The following LSP1 variants were observed in gnomAD, a reference collection of about 807,000 sequenced individuals.
LSP1 encodes the protein lymphocyte-specific protein 1.
Under a neutral mutation model 49.3 loss-of-function variants are expected in LSP1, and 32 were observed. The ratio of observed to expected loss-of-function variants is 0.65; its 90% CI spans 0.49 to 0.87. The LOEUF (loss-of-function observed/expected upper bound fraction) is 0.87. Ranked by LOEUF, LSP1 falls within the 40% of genes least tolerant of loss-of-function variation. LSP1 has a pLI of 0.00. For synonymous variants in LSP1, 179 were observed against 178.8 expected (o/e 1.00, Z -0.01); for missense variants, 428 against 442.6 (o/e 0.97, Z 0.30).
chr11:1,861,018 T>C (rs2048540), intron 1 of LSP1, among the ~76,000 whole-genome samples: 97,259 of 152,024 alleles, frequency 0.64, 31,216 homozygotes, highest in East Asian at 0.72. Flanking sequence ...AGATAATGAA[T>C]CAATAGACAA....
intron 1 of LSP1, chr11:1,870,758 AGGTACATCTG>A: frequency 1.0e-6 from 1 of 993,834 alleles, no homozygotes; most frequent in Non-Finnish European, 1.2e-6. Context: ...CAGGGATGTG[AGGTACATCTG>A]GGCATGGCTA....
At chr11:1,863,333 G>A (rs1025627703) in intron 1 of LSP1, 2 of 152,464 alleles carry the variant, frequency 1.3e-5, no homozygotes, top group South Asian at 2.1e-4. Flanking sequence ...TAGCTGGGGA[G>A]GCAAGAGGTG....
chr11:1,886,940 T>C (rs1848778888), intron 8 of LSP1, 74 bp downstream of exon 8: 1 of 1,547,264 alleles, frequency 6.5e-7, no homozygotes, highest in Admixed American at 1.9e-5. Context: ...CCGGGTTTCC[T>C]TGTTAAGACA....
At chr11:1,856,631 T>C (rs1203028429) in intron 1 of LSP1, among the ~76,000 whole-genome samples, 1 of 152,222 alleles carries the variant, frequency 6.6e-6, no homozygotes, top group Non-Finnish European at 1.5e-5. Context: ...TCTGGCCATC[T>C]GTCCCTGGAG....
At chr11:1,873,918 GGAGGAGGGAGGCCGGCA>G (rs1313332202) in intron 1 of LSP1, among the ~76,000 whole-genome samples, 188 of 80,784 alleles carry the variant, frequency 2.3e-3, no homozygotes, top group South Asian at 3.5e-3. Flanking sequence ...GGAGGCCGGC[GGAGGAGGGAGGCCGGCA>G]GAGGAGGGAG....
intron 3 of LSP1, among the ~76,000 whole-genome samples, chr11:1,881,809 G>T (rs560537721): frequency 1.3e-5 from 2 of 152,266 alleles, no homozygotes; most frequent in South Asian, 4.1e-4. Flanking sequence ...TGCCCCCATG[G>T]CCAGGAAAGG....
At chr11:1,869,597 C>T (rs900480896) in intron 1 of LSP1, 39 of 469,030 alleles carry the variant, frequency 8.3e-5, no homozygotes, top group Non-Finnish European at 1.6e-4. Context: ...CCACGTGGGC[C>T]GCACCTAGCA....
intron 7 of LSP1, among the ~76,000 whole-genome samples, chr11:1,885,177 C>T (rs796612114): frequency 9.9e-5 from 15 of 151,918 alleles, no homozygotes; most frequent in African/African-American, 3.6e-4. Context: ...CAATTCTCCT[C>T]CATCCATCAA....
At chr11:1,878,302 C>A (rs1306540018) in intron 1 of LSP1, among the ~76,000 whole-genome samples, 1 of 152,224 alleles carries the variant, frequency 6.6e-6, no homozygotes, top group Non-Finnish European at 1.5e-5. Context: ...CCAGGCTCTG[C>A]CTCCTCAGGT....
intron 1 of LSP1, among the ~76,000 whole-genome samples, chr11:1,878,964 T>G (rs1014814869): frequency 6.6e-6 from 1 of 151,824 alleles, no homozygotes; most frequent in Non-Finnish European, 1.5e-5. Flanking sequence ...CCTCTGTCCC[T>G]GAGGGGGGCG....
intron 10 of LSP1, chr11:1,889,740 T>G: frequency 1.5e-6 from 1 of 657,030 alleles, no homozygotes; most frequent in Non-Finnish European, 2.8e-6. Context: ...GACCAGGCTG[T>G]GCGGTGAGGA....
intron 1 of LSP1, chr11:1,869,558 G>A (rs1229331682): frequency 2.4e-5 from 11 of 451,262 alleles, no homozygotes; most frequent in Non-Finnish European, 4.2e-5. Context: ...CCTTGCCGCC[G>A]ACCCCAGGTG....
At chr11:1,857,019 T>C (rs1847506454) in intron 1 of LSP1, among the ~76,000 whole-genome samples, 1 of 152,228 alleles carries the variant, frequency 6.6e-6, no homozygotes, top group Non-Finnish European at 1.5e-5. Flanking sequence ...GGTCAAGACC[T>C]GATGTCTGGA....
intron 1 of LSP1, among the ~76,000 whole-genome samples, chr11:1,872,562 GGC>G (rs1260154782): frequency 2.9e-5 from 4 of 139,560 alleles, no homozygotes; most frequent in Non-Finnish European, 4.7e-5. Flanking sequence ...CTGTCTGGCT[GGC>G]GTGGGCACTT....
At chr11:1,869,765 C>T (rs757484797) in intron 1 of LSP1, 20 of 464,426 alleles carry the variant, frequency 4.3e-5, no homozygotes, top group Non-Finnish European at 7.5e-5. Context: ...AGAGGGCGGG[C>T]GAGGAAAATG....
chr11:1,854,392 C>T (rs554403006), intron 1 of LSP1, among the ~76,000 whole-genome samples: 16 of 152,018 alleles, frequency 1.1e-4, no homozygotes, highest in South Asian at 4.2e-4. Context: ...CTACCCGACC[C>T]GGGGCGGTGC....
chr11:1,856,406 A>G (rs1847490839), intron 1 of LSP1, among the ~76,000 whole-genome samples: 1 of 152,130 alleles, frequency 6.6e-6, no homozygotes, highest in Admixed American at 6.5e-5. Flanking sequence ...TGCCCCTCCT[A>G]GCATCACCCA....
At chr11:1,865,131 A>T (rs1847744408) in intron 1 of LSP1, 1 of 912,058 alleles carries the variant, frequency 1.1e-6, no homozygotes. Context: ...GCAGGACAGG[A>T]GCCTTTGAGA....
chr11:1,889,464 T>C, intron 10 of LSP1: 1 of 633,698 alleles, frequency 1.6e-6, no homozygotes. Context: ...AGGCACCTCC[T>C]GCTCTGTGGG....
Sources: allele counts gnomAD v4.1 joint callset (sites outside exome capture counted in the v4.1 genomes callset), GRCh38; gene constraint gnomAD v4.1.1; transcripts MANE v1.5; gene names NCBI Gene and HGNC (gene_info 2026-07-23, HGNC 2026-07-21).